KCNN2: variants seen among roughly 807,000 people sequenced by gnomAD.
The protein encoded by KCNN2 is potassium calcium-activated channel subfamily N member 2, also known as small conductance calcium-activated potassium channel protein 2.
Under a neutral mutation model 55.5 loss-of-function variants are expected in KCNN2, and 24 were observed. That is an observed-to-expected ratio of 0.43 (90% CI 0.31 to 0.61). The LOEUF (loss-of-function observed/expected upper bound fraction) is 0.61, where lower values mean the gene tolerates loss of function less well. Ranked by LOEUF, KCNN2 falls within the 20% of genes least tolerant of loss-of-function variation. The pLI is 0.08. For missense variants in KCNN2, 754 were observed against 853.6 expected (o/e 0.88, Z 1.45); for synonymous variants, 431 against 336.1 (o/e 1.28, Z -3.09).
intron 4 of KCNN2, among the ~76,000 whole-genome samples, chr5:114,465,096 T>A (rs914875086): frequency 2.0e-5 from 3 of 152,176 alleles, no homozygotes; most frequent in Non-Finnish European, 2.9e-5. Flanking sequence ...CAGGTGTGAC[T>A]CAAGGGTCAT....
chr5:114,468,774 C>G (rs1761569970), intron 4 of KCNN2, among the ~76,000 whole-genome samples: 1 of 152,112 alleles, frequency 6.6e-6, no homozygotes, highest in Non-Finnish European at 1.5e-5. Flanking sequence ...TTGAAATAAT[C>G]AAAACCTTTC....
chr5:114,374,408 A>G (rs770000762), intron 2 of KCNN2, among the ~76,000 whole-genome samples: 2 of 152,176 alleles, frequency 1.3e-5, no homozygotes, highest in Non-Finnish European at 2.9e-5. Context: ...TTGTAGGTCT[A>G]CAGGATATTT....
At chr5:114,244,477 A>AT (rs1471514812) in intron 2 of KCNN2, among the ~76,000 whole-genome samples, 1 of 151,836 alleles carries the variant, frequency 6.6e-6, no homozygotes, top group South Asian at 2.1e-4. Context: ...GGCACCTGTG[A>AT]TCCCAGCTAC....
chr5:114,077,580 T>G (rs752565458), intron 1 of KCNN2, among the ~76,000 whole-genome samples: 3 of 152,220 alleles, frequency 2.0e-5, no homozygotes, highest in Non-Finnish European at 4.4e-5. Flanking sequence ...AGGTGGTAGA[T>G]GGCCCTTTTG....
At chr5:114,221,492 A>G (rs1337869459) in exon 2 of KCNN2, among the ~76,000 whole-genome samples, 1 of 152,228 alleles carries the variant, frequency 6.6e-6, no homozygotes, top group Non-Finnish European at 1.5e-5. Context: ...TCTTGCTGAG[A>G]GAACTACAAA....
chr5:114,144,235 G>A (rs1019870105), intron 1 of KCNN2, among the ~76,000 whole-genome samples: 1 of 152,110 alleles, frequency 6.6e-6, no homozygotes, highest in African/African-American at 2.4e-5. Flanking sequence ...CAATCACATT[G>A]CATTTGTGAT....
Position 114,365,734 on chromosome 5 carries a change from T to A in KCNN2, c.1218+1733T>A, listed in dbSNP as rs570554998. 7.9e-5 allele frequency among the ~76,000 whole-genome samples: 12 copies of A among 152,344 alleles called. 1 individual carries two copies. The East Asian group carries it at 2.3e-3, about 29-fold the overall frequency. Reference sequence around the variant, plus strand: ...TTTGGTATATAAATTCAGTTAAACTTAAAAGATCATTCCAAAATGTTCTTA... The same window carrying A: ...TTTGGTATATAAATTCAGTTAAACTAAAAAGATCATTCCAAAATGTTCTTA... On this transcript the variant is annotated intron_variant, in intron 2 of 7. Coordinates refer to ENST00000673685, the MANE Select transcript of KCNN2 (RefSeq NM_021614.4).
chr5:114,264,541 A>C (rs77192412), intron 2 of KCNN2, among the ~76,000 whole-genome samples: 6 of 152,218 alleles, frequency 3.9e-5, no homozygotes, highest in African/African-American at 1.4e-4. Flanking sequence ...GCACAGAGGA[A>C]GCCCCTCTCA....
At chr5:114,264,472 A>G (rs1426923127) in intron 2 of KCNN2, among the ~76,000 whole-genome samples, 2 of 152,188 alleles carry the variant, frequency 1.3e-5, no homozygotes, top group Admixed American at 1.3e-4. Flanking sequence ...TCATAAAACT[A>G]CAAAGTATTC....
chr5:114,448,634 C>G (rs1018173260), intron 3 of KCNN2, among the ~76,000 whole-genome samples: 2 of 152,144 alleles, frequency 1.3e-5, no homozygotes, highest in African/African-American at 4.8e-5. Flanking sequence ...TCTCTCAGCT[C>G]GCTGGGTTTG....
chr5:114,118,780 A>G (rs187447271), intron 1 of KCNN2, among the ~76,000 whole-genome samples: 6 of 152,290 alleles, frequency 3.9e-5, no homozygotes, highest in East Asian at 3.9e-4. Context: ...CTGGATGCCT[A>G]TGATTTGTTA....
At chr5:114,112,033 G>A (rs1751609155) in intron 1 of KCNN2, among the ~76,000 whole-genome samples, 1 of 152,290 alleles carries the variant, frequency 6.6e-6, no homozygotes, top group African/African-American at 2.4e-5. Context: ...GTGCATGTAT[G>A]TTTATTGCAG....
In KCNN2 at chr5:114,283,832, G is replaced by T. The variant is rs1240421021; in HGVS notation, c.-185+62267G>T. On this transcript the variant is annotated intron_variant, in intron 2 of 10. Transcript: ENST00000512097. ...GATCTGCCAAAATACCTCAGTTTAAGAGTACAACTCCTGAGCGTCCCTACC... is the reference window on the plus strand; with the variant it reads ...GATCTGCCAAAATACCTCAGTTTAATAGTACAACTCCTGAGCGTCCCTACC... 4.6e-5 allele frequency among the ~76,000 whole-genome samples: 7 copies of T among 152,280 alleles called. No homozygotes were observed. In the South Asian group the frequency reaches 1.5e-3, roughly 32 times the overall value.
intron 2 of KCNN2, among the ~76,000 whole-genome samples, chr5:114,389,358 G>A (rs1276294934): frequency 2.6e-5 from 4 of 152,056 alleles, no homozygotes; most frequent in East Asian, 1.9e-4. Flanking sequence ...GTGACAAGTC[G>A]CAGTATGCTT....
chr5:114,457,983 CATCTTGGCTGAAAGCAAATTACACAGTA>C (rs1376293551), intron 3 of KCNN2, among the ~76,000 whole-genome samples: 2 of 152,130 alleles, frequency 1.3e-5, no homozygotes, highest in African/African-American at 4.8e-5. Context: ...TCTGTTGCTC[CATCTTGGCTGAAAGCAAATTACACAGTA>C]ATTGACATAA....
At chr5:114,429,086 G>A (rs1192733913) in intron 3 of KCNN2, among the ~76,000 whole-genome samples, 2 of 151,970 alleles carry the variant, frequency 1.3e-5, no homozygotes, top group Admixed American at 1.3e-4. Flanking sequence ...TTAATACCTG[G>A]GAGCATGATT....
intron 2 of KCNN2, among the ~76,000 whole-genome samples, chr5:114,345,865 C>T (rs1156404060): frequency 1.3e-5 from 2 of 152,150 alleles, no homozygotes; most frequent in Non-Finnish European, 2.9e-5. Flanking sequence ...ACTGCAACCT[C>T]CGCCTCCCAG....
chr5:114,082,940 T>C (rs141979981), intron 1 of KCNN2, among the ~76,000 whole-genome samples: 251 of 152,256 alleles, frequency 1.6e-3, no homozygotes, highest in Middle Eastern at 6.8e-3. Flanking sequence ...TTAACAGGTA[T>C]AAAGTTTGTT....
intron 2 of KCNN2, among the ~76,000 whole-genome samples, chr5:114,305,534 G>A (rs182785245): frequency 2.0e-5 from 3 of 152,306 alleles, no homozygotes; most frequent in East Asian, 3.9e-4. Context: ...GTAGCACAGA[G>A]CCTGAGGATC....
Sources: gnomAD v4.1 joint callset for allele counts (sites outside exome capture counted in the v4.1 genomes callset) on GRCh38, gnomAD v4.1.1 for gene constraint, MANE v1.5 for transcripts, NCBI Gene and HGNC (gene_info 2026-07-23, HGNC 2026-07-21) for gene names.